Variants in PTPRD observed in about 807,000 individuals in gnomAD.
The protein encoded by PTPRD is protein tyrosine phosphatase receptor type D, also known as receptor-type tyrosine-protein phosphatase delta.
A neutral mutation model predicts 214.5 loss-of-function variants in PTPRD; 34 were observed. That is an observed-to-expected ratio of 0.16 (90% CI 0.12 to 0.21). The LOEUF (loss-of-function observed/expected upper bound fraction) is 0.21, where lower values mean the gene tolerates loss of function less well. PTPRD is among the 10% of genes least tolerant of loss of function. PTPRD has a pLI of 1.00. For missense variants in PTPRD, 2,545 were observed against 2,398.7 expected, an observed-to-expected ratio of 1.06 and a Z score of -1.27; for synonymous variants, 1,128 against 845.7, an observed-to-expected ratio of 1.33 and a Z score of -5.79.
chr9:9,489,007 T>C (rs2095786229), intron 8 of PTPRD, among the ~76,000 whole-genome samples: 1 of 152,162 alleles, frequency 6.6e-6, no homozygotes, highest in African/African-American at 2.4e-5. Context: ...TCACTATTGT[T>C]ATAAGGCCCT....
intron 10 of PTPRD, among the ~76,000 whole-genome samples, chr9:9,067,448 G>A (rs13440174): frequency 6.6e-6 from 1 of 152,076 alleles, no homozygotes; most frequent in Admixed American, 6.6e-5. Flanking sequence ...TGTCATAATA[G>A]TGTACCATGT....
intron 2 of PTPRD, among the ~76,000 whole-genome samples, chr9:10,557,963 AAC>A (rs1316572318): frequency 6.6e-6 from 1 of 152,168 alleles, no homozygotes; most frequent in East Asian, 1.9e-4. Context: ...AGAAGAGCCC[AAC>A]ACATGTGCTC....
intron 5 of PTPRD, among the ~76,000 whole-genome samples, chr9:9,901,705 G>A (rs965138651): frequency 2.0e-5 from 3 of 152,088 alleles, no homozygotes; most frequent in South Asian, 4.1e-4. Context: ...ACTTGAGATT[G>A]GGTAGTTTAC....
intron 2 of PTPRD, among the ~76,000 whole-genome samples, chr9:10,364,736 C>G (rs570121649): frequency 6.6e-6 from 1 of 152,214 alleles, no homozygotes; most frequent in Admixed American, 6.5e-5. Context: ...CTTTCTTCTC[C>G]ATCATATCCC....
At chr9:8,943,276 C>A (rs866331749) in intron 11 of PTPRD, among the ~76,000 whole-genome samples, 48 of 151,862 alleles carry the variant, frequency 3.2e-4, no homozygotes, top group African/African-American at 1.1e-3. Flanking sequence ...GAAAAATAAT[C>A]CTAAAATTTT....
intron 4 of PTPRD, among the ~76,000 whole-genome samples, chr9:9,945,585 T>G (rs560720788): frequency 6.6e-6 from 1 of 152,120 alleles, no homozygotes; most frequent in Non-Finnish European, 1.5e-5. Context: ...AGTTGAAGAA[T>G]TGCACATTGC....
At chr9:8,877,927 A>G (rs749625803) in intron 11 of PTPRD, among the ~76,000 whole-genome samples, 1 of 152,126 alleles carries the variant, frequency 6.6e-6, no homozygotes, top group African/African-American at 2.4e-5. Flanking sequence ...ACTCTAGGAA[A>G]GTGTTGCTCA....
At chr9:9,508,773 C>T (rs563742937) in intron 8 of PTPRD, among the ~76,000 whole-genome samples, 2 of 151,702 alleles carry the variant, frequency 1.3e-5, no homozygotes, top group Middle Eastern at 3.4e-3. Flanking sequence ...CTCTTATCTC[C>T]TTCCTTTTCC....
At chr9:9,221,779 G>A (rs1456720347) in intron 9 of PTPRD, among the ~76,000 whole-genome samples, 1 of 151,972 alleles carries the variant, frequency 6.6e-6, no homozygotes, top group Non-Finnish European at 1.5e-5. Flanking sequence ...ACCAAAACCT[G>A]TTAGCAATCT....
intron 12 of PTPRD, among the ~76,000 whole-genome samples, chr9:8,702,472 G>C (rs1034018547): frequency 1.3e-5 from 2 of 152,142 alleles, no homozygotes; most frequent in African/African-American, 4.8e-5. Flanking sequence ...CAGTATCCCT[G>C]TCTTCAGAAA....
At chr9:10,578,350 T>A in intron 2 of PTPRD, among the ~76,000 whole-genome samples, 1 of 152,290 alleles carries the variant, frequency 6.6e-6, no homozygotes, top group Middle Eastern at 3.4e-3. Context: ...CCAGTAAAAT[T>A]CATACTTATA....
intron 3 of PTPRD, among the ~76,000 whole-genome samples, chr9:10,085,734 C>A (rs7035849): frequency 1.3e-5 from 2 of 151,764 alleles, no homozygotes; most frequent in Non-Finnish European, 2.9e-5. Context: ...TGGCTATTTG[C>A]TTAGCAACAA....
At chr9:9,817,884 G>A (rs539163887) in intron 5 of PTPRD, among the ~76,000 whole-genome samples, 1 of 152,276 alleles carries the variant, frequency 6.6e-6, no homozygotes, top group South Asian at 2.1e-4. Context: ...CCATTGTGGA[G>A]CTAGTTAGCA....
At chr9:10,167,476 C>A (rs1564271629) in intron 3 of PTPRD, among the ~76,000 whole-genome samples, 1 of 152,100 alleles carries the variant, frequency 6.6e-6, no homozygotes, top group Non-Finnish European at 1.5e-5. Context: ...TACAGGAGAT[C>A]CACAGTCCTC....
At chr9:8,882,418 A>C (rs1029746251) in intron 11 of PTPRD, among the ~76,000 whole-genome samples, 2 of 152,184 alleles carry the variant, frequency 1.3e-5, no homozygotes, top group Non-Finnish European at 2.9e-5. Flanking sequence ...CTGAGACCAG[A>C]AGCCAGGTCT....
chr9:10,529,540 A>C (rs1487163428), intron 2 of PTPRD, among the ~76,000 whole-genome samples: 1 of 124,686 alleles, frequency 8.0e-6, no homozygotes, highest in East Asian at 2.7e-4. Flanking sequence ...GGGCACAGGG[A>C]GGGGAACATC....
chr9:8,567,629 C>T (rs142681314), intron 14 of PTPRD, among the ~76,000 whole-genome samples: 290 of 152,218 alleles, frequency 1.9e-3, no homozygotes, highest in African/African-American at 6.5e-3. Flanking sequence ...GTTATATTTG[C>T]GTGTAATCTC....
At chr9:10,347,822 C>G (rs2097113461) in intron 2 of PTPRD, among the ~76,000 whole-genome samples, 1 of 152,012 alleles carries the variant, frequency 6.6e-6, no homozygotes, top group Non-Finnish European at 1.5e-5. Context: ...CTTTGGGAGG[C>G]CGAGGCAGGA....
chr9:10,074,756 A>G lies in PTPRD; in HGVS notation c.-544-40966T>C, dbSNP rs7868646. On this transcript the variant is annotated intron_variant, in intron 3 of 45. Coordinates refer to ENST00000381196, the MANE Select transcript of PTPRD (RefSeq NM_002839.4). ...TGCATTCAGCTTATGTTTCCAAACC[A>G]GAGTAGTGGGAAGGAAATGATAAGC... is the stretch of plus-strand genomic sequence containing the variant. 3.3e-3 allele frequency among the ~76,000 whole-genome samples: 503 copies of G among 152,244 alleles called. 2 individuals carry two copies. The highest frequency in any genetic ancestry group is 0.011 in the African/African-American group (459 of 41,568).
Sources: allele counts gnomAD v4.1 joint callset (sites outside exome capture counted in the v4.1 genomes callset), GRCh38; gene constraint gnomAD v4.1.1; transcripts MANE v1.5; gene names NCBI Gene and HGNC (gene_info 2026-07-23, HGNC 2026-07-21).